Variants in IL34 observed in about 807,000 individuals in gnomAD.
The protein encoded by IL34 is interleukin-34.
IL34 carries 17 observed loss-of-function variants against 25.3 expected under a neutral mutation model. That is an observed-to-expected ratio of 0.67 (90% CI 0.46 to 1.01). The LOEUF (loss-of-function observed/expected upper bound fraction) is 1.01. Among genes scored for constraint, IL34 ranks in the 50% least tolerant of loss-of-function variants. The pLI is 0.00. For missense variants in IL34, 368 were observed against 312.9 expected (o/e 1.18, Z -1.33); for synonymous variants, 174 against 140.9 (o/e 1.23, Z -1.66).
chr16:70,646,953 C>A lies in IL34; in HGVS notation c.6C>A (p.Pro2=). 1 of 1,468,978 alleles carries A rather than the reference C, an allele frequency of 6.8e-7. No individual in the cohort carries two copies. The highest frequency in any genetic ancestry group is 9.0e-7 in the Non-Finnish European group (1 of 1,117,006). 91.0% of individuals were successfully genotyped at this position (1,468,978 alleles called of 1,614,324 possible). A position where few individuals can be genotyped will look rare whatever the true frequency, so the allele number is the denominator to read the frequency against. M[P]RGFTWLRYLG... ...GGGGGACGAGGAACACCACCATGCC[C>A]CGGGGCTTCACCTGGCTGCGCTGTG... Residue 2 remains proline (P), a synonymous_variant, in exon 1 of 6, where the codon CCC becomes CCA. Coordinates refer to ENST00000288098, the MANE Select transcript of IL34 (RefSeq NM_001393494.1).
In IL34 at chr16:70,606,521, C is replaced by T. The variant is rs536016038; in HGVS notation, c.-401+26472C>T. On this transcript the variant is annotated intron_variant, in intron 1 of 6. Coordinates refer to the IL34 transcript ENST00000429149. ...CTCCCTGCCGACTCTCCACCCTCAACCAACCACCACCCTCCACCCCCAAAC... is the reference window on the plus strand; with the variant it reads ...CTCCCTGCCGACTCTCCACCCTCAATCAACCACCACCCTCCACCCCCAAAC... 5.3e-5 allele frequency among the ~76,000 whole-genome samples: 8 copies of T among 152,322 alleles called. No individual in the cohort carries two copies. The East Asian group carries it at 9.6e-4, about 18-fold the overall frequency.
Position 70,656,790 on chromosome 16 carries a change from T to C in IL34, c.240+111T>C. 5 of 982,518 alleles carry C rather than the reference T, an allele frequency of 5.1e-6. No individual in the cohort carries two copies. The South Asian group carries it at 6.4e-5, about 13-fold the overall frequency. The allele number at this position is 982,518 out of a possible 1,614,324, so 60.9% of individuals were successfully genotyped here. ...GGTGGTGCTGCTGGCCTGGGGCCTC[T>C]CCTCAGCCCCGAGAGCAGGCTGGCC... On this transcript the variant is annotated intron_variant, in intron 3 of 5. Coordinates refer to ENST00000288098, the MANE Select transcript of IL34 (RefSeq NM_001393494.1).
chr16:70,598,570 C>T (rs565185941), intron 1 of IL34, among the ~76,000 whole-genome samples: 3 of 152,154 alleles, frequency 2.0e-5, no homozygotes, highest in South Asian at 4.2e-4. Flanking sequence ...GAAACCCCGA[C>T]TCTATTAAAA....
At chr16:70,644,161 G>C (rs1344113155), upstream of IL34, among the ~76,000 whole-genome samples, 1 of 152,100 alleles carries the variant, frequency 6.6e-6, no homozygotes, top group Non-Finnish European at 1.5e-5. Context: ...TTTTAGTAGA[G>C]ACAGGGTTTC....
At chr16:70,599,906 C>T (rs2050890365) in intron 1 of IL34, among the ~76,000 whole-genome samples, 1 of 151,984 alleles carries the variant, frequency 6.6e-6, no homozygotes, top group Non-Finnish European at 1.5e-5. Context: ...TCTCAAGTTC[C>T]TGGGCTCAAG....
rs187892079 is a variant in IL34, at chr16:70,611,163, G to A, written c.-401+31114G>A. 3.0e-3 allele frequency among the ~76,000 whole-genome samples: 453 copies of A among 152,210 alleles called. 2 individuals are homozygous for A. Among genetic ancestry groups the A allele is most frequent in the African/African-American group, 0.011 (438 of 41,530 alleles). ...CTGTCTAATTTTTCTGTTTTTAGTA[G>A]AGATGGGTTTCTCCATGTTGCCCAG... On this transcript the variant is annotated intron_variant, in intron 1 of 6. Transcript: ENST00000429149.
chr16:70,601,543 C>G (rs1486429087), intron 1 of IL34, among the ~76,000 whole-genome samples: 2 of 152,206 alleles, frequency 1.3e-5, no homozygotes, highest in Non-Finnish European at 2.9e-5. Context: ...TCATGAATAG[C>G]TGGTACCACC....
upstream of IL34, among the ~76,000 whole-genome samples, chr16:70,643,539 T>TA (rs947895458): frequency 5.3e-5 from 8 of 152,022 alleles, no homozygotes; most frequent in African/African-American, 1.9e-4. Context: ...CCCACCTAAT[T>TA]AAAAAAATTT....
chr16:70,619,761 C>T (rs1420025611), intron 1 of IL34, among the ~76,000 whole-genome samples: 2 of 152,100 alleles, frequency 1.3e-5, no homozygotes. Context: ...GGGAAGGAGT[C>T]AGTCAGAGAG....
chr16:70,625,891 T>A (rs2051382351), intron 1 of IL34, among the ~76,000 whole-genome samples: 1 of 152,212 alleles, frequency 6.6e-6, no homozygotes. Flanking sequence ...GTGAGATGTT[T>A]CTTGGGCTTG....
chr16:70,649,175 AG>A (rs1383916716), intron 1 of IL34, among the ~76,000 whole-genome samples: 4 of 152,224 alleles, frequency 2.6e-5, no homozygotes, highest in African/African-American at 9.6e-5. Flanking sequence ...AGCTGGTGGT[AG>A]AAGAAAACAG....
At chr16:70,605,764 G>A (rs751698213) in intron 1 of IL34, among the ~76,000 whole-genome samples, 3 of 151,736 alleles carry the variant, frequency 2.0e-5, no homozygotes, top group Admixed American at 6.6e-5. Flanking sequence ...TCTGCCTCCC[G>A]GGTTCAAGCG....
intron 1 of IL34, among the ~76,000 whole-genome samples, chr16:70,648,293 C>T (rs557683916): frequency 1.4e-4 from 22 of 152,096 alleles, no homozygotes; most frequent in Non-Finnish European, 2.2e-4. Context: ...TGGTGGCTCA[C>T]GCCCGTGATC....
chr16:70,631,279 G>A (rs1478954032), intron 1 of IL34, among the ~76,000 whole-genome samples: 1 of 152,134 alleles, frequency 6.6e-6, no homozygotes, highest in Non-Finnish European at 1.5e-5. Context: ...CATGGACAGG[G>A]CCAGTACCCA....
intron 1 of IL34, among the ~76,000 whole-genome samples, chr16:70,628,213 G>T (rs1161794985): frequency 6.6e-6 from 1 of 152,086 alleles, no homozygotes; most frequent in South Asian, 2.1e-4. Flanking sequence ...ATACTGTCTT[G>T]TGAAATGCAT....
intron 1 of IL34, among the ~76,000 whole-genome samples, chr16:70,625,866 C>G (rs1218168391): frequency 1.3e-5 from 2 of 152,288 alleles, no homozygotes; most frequent in South Asian, 4.2e-4. Context: ...TGGCCACTTA[C>G]CGGATTTGAA....
At chr16:70,625,929 G>A (rs1192301495) in intron 1 of IL34, among the ~76,000 whole-genome samples, 1 of 152,190 alleles carries the variant, frequency 6.6e-6, no homozygotes, top group Non-Finnish European at 1.5e-5. Flanking sequence ...GGTGGTAGGT[G>A]GATCTTTCTC....
At chr16:70,650,709 C>A (rs2052057243) in intron 1 of IL34, among the ~76,000 whole-genome samples, 1 of 152,150 alleles carries the variant, frequency 6.6e-6, no homozygotes, top group African/African-American at 2.4e-5. Flanking sequence ...GGTTCCAGAC[C>A]CCCAGCCACA....
At chr16:70,593,065 G>C (rs961076499) in intron 1 of IL34, among the ~76,000 whole-genome samples, 1 of 152,048 alleles carries the variant, frequency 6.6e-6, no homozygotes, top group African/African-American at 2.4e-5. Context: ...GGCCTCAGGC[G>C]ATCCTCCTGT....
Sources: gnomAD v4.1 joint callset for allele counts (sites outside exome capture counted in the v4.1 genomes callset) on GRCh38, gnomAD v4.1.1 for gene constraint, MANE v1.5 for transcripts, NCBI Gene and HGNC (gene_info 2026-07-23, HGNC 2026-07-21) for gene names.